EBF1: variants seen among roughly 807,000 people sequenced by gnomAD.
EBF1 encodes EBF transcription factor 1, also known as transcription factor COE1.
In EBF1, 10 loss-of-function variants were observed where a neutral mutation model predicts 68.4. That is an observed-to-expected ratio of 0.15 (90% CI 0.09 to 0.25). The LOEUF (loss-of-function observed/expected upper bound fraction) is 0.25, where lower values mean the gene tolerates loss of function less well. Among genes scored for constraint, EBF1 ranks in the 10% least tolerant of loss-of-function variants. The pLI, the probability that EBF1 is intolerant of heterozygous loss-of-function variation, is 1.00. For synonymous variants in EBF1, 298 were observed against 299.8 expected (o/e 0.99, Z 0.06); for missense variants, 509 against 794.4 (o/e 0.64, Z 4.32).
chr5:158,858,597 C>G (rs1794456680), intron 6 of EBF1, among the ~76,000 whole-genome samples: 1 of 152,192 alleles, frequency 6.6e-6, no homozygotes, highest in Admixed American at 6.5e-5. Flanking sequence ...TGGGACACTT[C>G]CCTGGCTGTC....
chr5:158,970,886 G>T (rs1755518236), intron 6 of EBF1, among the ~76,000 whole-genome samples: 1 of 152,198 alleles, frequency 6.6e-6, no homozygotes, highest in South Asian at 2.1e-4. Flanking sequence ...CTGTAGGGAG[G>T]AGGAGTCATA....
At chr5:158,781,584 A>G (rs981968681) in intron 9 of EBF1, among the ~76,000 whole-genome samples, 2 of 152,194 alleles carry the variant, frequency 1.3e-5, no homozygotes, top group African/African-American at 2.4e-5. Flanking sequence ...ACCTGTAAAT[A>G]TATTTCTTGT....
rs561352829 is a variant in EBF1, at chr5:158,954,665, G to T, written c.555-114555C>A. On this transcript the variant is annotated intron_variant, in intron 6 of 15. Coordinates refer to ENST00000313708, the MANE Select transcript of EBF1 (RefSeq NM_024007.5). ...ACCTAATGGAGTCTGTTACCAATGC[G>T]GTCAGTAGCGTGGCCCTGTGGCCTC... 3.7e-4 allele frequency among the ~76,000 whole-genome samples: 57 copies of T among 152,280 alleles called. 1 individual carries two copies. The South Asian group carries it at 0.01, about 27-fold the overall frequency.
At chr5:158,935,648 C>A (rs916538529) in intron 6 of EBF1, among the ~76,000 whole-genome samples, 11 of 152,160 alleles carry the variant, frequency 7.2e-5, no homozygotes, top group Non-Finnish European at 1.3e-4. Context: ...ATTTTCTTCC[C>A]TTTAGTGACT....
At chr5:158,969,369 T>G (rs1222817644) in intron 6 of EBF1, among the ~76,000 whole-genome samples, 1 of 152,150 alleles carries the variant, frequency 6.6e-6, no homozygotes, top group Non-Finnish European at 1.5e-5. Flanking sequence ...TCAGGAATCT[T>G]AATTTCTGCA....
intron 8 of EBF1, among the ~76,000 whole-genome samples, chr5:158,808,573 C>T (rs1782015750): frequency 6.6e-6 from 1 of 152,128 alleles, no homozygotes; most frequent in Admixed American, 6.6e-5. Context: ...AATTACTTCA[C>T]TTTTTGAAAT....
At chr5:158,706,751 T>C (rs1757959263) in intron 15 of EBF1, among the ~76,000 whole-genome samples, 1 of 152,174 alleles carries the variant, frequency 6.6e-6, no homozygotes, top group South Asian at 2.1e-4. Context: ...TGATGGGGCT[T>C]ACATTCATCT....
intron 6 of EBF1, among the ~76,000 whole-genome samples, chr5:159,022,113 G>A (rs1279252749): frequency 3.3e-5 from 5 of 150,376 alleles, no homozygotes; most frequent in African/African-American, 1.2e-4. Flanking sequence ...AACATCCAGG[G>A]GGATCCTGCA....
chr5:159,099,577 G>C lies in EBF1; in HGVS notation c.-99C>G. On this transcript the variant is annotated 5_prime_UTR_variant, in exon 1 of 16. Coordinates refer to ENST00000313708, the MANE Select transcript of EBF1 (RefSeq NM_024007.5). ...GAAAGAAAAGAAAAGAAACAAAAACGCCAACCAGAGATTTTTTTTTTTCTC... is the reference window on the plus strand; with the variant it reads ...GAAAGAAAAGAAAAGAAACAAAAACCCCAACCAGAGATTTTTTTTTTTCTC... 4 of 1,324,992 alleles carry C rather than the reference G, an allele frequency of 3.0e-6. No homozygotes were observed. Among genetic ancestry groups the C allele is most frequent in the Non-Finnish European group, 3.9e-6 (4 of 1,020,750 alleles). 82.1% of individuals were successfully genotyped at this position (1,324,992 alleles called of 1,614,324 possible).
intron 6 of EBF1, among the ~76,000 whole-genome samples, chr5:159,000,433 A>C (rs1047926529): frequency 6.6e-6 from 1 of 151,854 alleles, no homozygotes; most frequent in African/African-American, 2.4e-5. Flanking sequence ...TTGCAAGCTG[A>C]AGTAGTTATT....
At chr5:158,968,469 T>C (rs2127553469) in intron 6 of EBF1, among the ~76,000 whole-genome samples, 1 of 152,336 alleles carries the variant, frequency 6.6e-6, no homozygotes, top group East Asian at 1.9e-4. Flanking sequence ...AAGATGTCCC[T>C]GGAGGTGCAC....
At chr5:158,951,929 C>T (rs1036279643) in intron 6 of EBF1, among the ~76,000 whole-genome samples, 6 of 152,098 alleles carry the variant, frequency 3.9e-5, no homozygotes, top group Non-Finnish European at 7.4e-5. Context: ...TTTAGTCATC[C>T]CACCCACTAA....
intron 9 of EBF1, among the ~76,000 whole-genome samples, chr5:158,787,215 G>A (rs1400875150): frequency 6.6e-6 from 1 of 152,074 alleles, no homozygotes; most frequent in African/African-American, 2.4e-5. Flanking sequence ...AAATATAATT[G>A]CCAGCTCTTT....
At chr5:158,814,933 A>G (rs922696759) in intron 8 of EBF1, among the ~76,000 whole-genome samples, 1 of 152,192 alleles carries the variant, frequency 6.6e-6, no homozygotes, top group Non-Finnish European at 1.5e-5. Context: ...TAAAGTAAAT[A>G]TACATGATGT....
intron 6 of EBF1, among the ~76,000 whole-genome samples, chr5:159,070,598 C>G (rs1320381749): frequency 6.6e-6 from 1 of 152,102 alleles, no homozygotes; most frequent in Non-Finnish European, 1.5e-5. Context: ...CTGAATAAAC[C>G]ACTGCTAAAA....
chr5:158,776,162 A>G lies in EBF1; in HGVS notation c.1036+1251T>C, dbSNP rs139926755. Among the ~76,000 whole-genome samples, 31 of 152,292 alleles carry G rather than the reference A, an allele frequency of 2.0e-4. No individual in the cohort carries two copies. In the East Asian group the frequency reaches 4.6e-3, roughly 23 times the overall value. On this transcript the variant is annotated intron_variant, in intron 10 of 15. Coordinates refer to ENST00000313708, the MANE Select transcript of EBF1 (RefSeq NM_024007.5). The stretch of plus-strand genomic sequence containing the variant: ...TTCCTTAATTTGTAAAAGTGATTGG[A>G]GTGCAAACAAAATTTTCCTCTTGGG...
chr5:158,866,682 C>G (rs886173091), intron 6 of EBF1, among the ~76,000 whole-genome samples: 1 of 151,526 alleles, frequency 6.6e-6, no homozygotes, highest in African/African-American at 2.4e-5. Flanking sequence ...AACATGTCGG[C>G]GTTTATGAGT....
At chr5:158,728,773 C>CTATGGAATAGGATA (rs1481717614) in intron 11 of EBF1, among the ~76,000 whole-genome samples, 2 of 152,128 alleles carry the variant, frequency 1.3e-5, no homozygotes. Context: ...TGATGGTACC[C>CTATGGAATAGGATA]AGGCTAGTAT....
chr5:159,084,695 T>G lies in EBF1; in HGVS notation c.456A>C (p.Arg152=), dbSNP rs367847846. Residue 152 remains arginine, a synonymous_variant, in exon 5 of 16, where the codon CGA becomes CGC. Transcript: ENST00000313708. ...EGQDKNPEMC[R]VLLTHEIMCS... is the part of the protein sequence containing the mutation. ...ACATGATCTCATGTGTGAGCAAGAC[T>G]CGGCACATTTCTGGGTTCTTGTCTT... 1.9e-6 allele frequency: 3 copies of G among 1,601,588 alleles called. No homozygotes were observed. The African/African-American group carries it at 4.0e-5, about 22-fold the overall frequency.
Sources: allele counts gnomAD v4.1 joint callset (sites outside exome capture counted in the v4.1 genomes callset), GRCh38; gene constraint gnomAD v4.1.1; transcripts MANE v1.5; gene names NCBI Gene and HGNC (gene_info 2026-07-23, HGNC 2026-07-21).